CACNA1E: variants seen among roughly 807,000 people sequenced by gnomAD.
CACNA1E encodes the protein voltage-dependent R-type calcium channel subunit alpha-1E.
CACNA1E carries 40 observed loss-of-function variants against 259.2 expected under a neutral mutation model. That is an observed-to-expected ratio of 0.15 (90% CI 0.12 to 0.20). The LOEUF (loss-of-function observed/expected upper bound fraction) is 0.20. Among genes scored for constraint, CACNA1E ranks in the 10% least tolerant of loss-of-function variants. The pLI, the probability that CACNA1E is intolerant of heterozygous loss-of-function variation, is 1.00. For synonymous variants in CACNA1E, 1,104 were observed against 1,138.5 expected, an observed-to-expected ratio of 0.97 and a Z score of 0.61; for missense variants, 1,874 against 3,040.1, an observed-to-expected ratio of 0.62 and a Z score of 9.02.
chr1:181,743,322 T>C (rs1359197486), intron 25 of CACNA1E, among the ~76,000 whole-genome samples: 1 of 152,218 alleles, frequency 6.6e-6, no homozygotes, highest in Non-Finnish European at 1.5e-5. Context: ...TGAAGAGGGA[T>C]TCTTTTGTGT....
At chr1:181,378,793 A>C (rs1655269734) in intron 1 of CACNA1E, among the ~76,000 whole-genome samples, 1 of 152,210 alleles carries the variant, frequency 6.6e-6, no homozygotes, top group Non-Finnish European at 1.5e-5. Context: ...GTGGGGAAAA[A>C]CTATGTCTAG....
chr1:181,476,483 G>T (rs1173869134), intron 2 of CACNA1E, among the ~76,000 whole-genome samples: 1 of 152,190 alleles, frequency 6.6e-6, no homozygotes, highest in Non-Finnish European at 1.5e-5. Flanking sequence ...AGGCTTGACT[G>T]CAGCTGTGAG....
At chr1:181,597,387 T>C (rs183731233) in intron 6 of CACNA1E, among the ~76,000 whole-genome samples, 1 of 152,372 alleles carries the variant, frequency 6.6e-6, no homozygotes, top group Non-Finnish European at 1.5e-5. Flanking sequence ...AAGCCTCTTC[T>C]ATCCATGTAT....
intron 2 of CACNA1E, among the ~76,000 whole-genome samples, chr1:181,440,840 C>T (rs983570535): frequency 1.3e-5 from 2 of 151,814 alleles, no homozygotes; most frequent in African/African-American, 4.8e-5. Context: ...AAAAAATTAG[C>T]TGGGTGTGGT....
chr1:181,754,782 G>C (rs1405734079), intron 27 of CACNA1E, among the ~76,000 whole-genome samples: 4 of 152,208 alleles, frequency 2.6e-5, no homozygotes, highest in Non-Finnish European at 5.9e-5. Context: ...TTTTAGAAAG[G>C]TAAGGAGAAA....
chr1:181,626,174 A>G (rs946893985), intron 6 of CACNA1E, among the ~76,000 whole-genome samples: 2 of 152,232 alleles, frequency 1.3e-5, no homozygotes, highest in African/African-American at 4.8e-5. Context: ...ATAATAATGA[A>G]AAATTTTGAA....
At position 181,485,223 on chromosome 1, in the gene CACNA1E, G is replaced by A. The variant is rs1224486419; in HGVS notation, c.266+1213G>A. ...ATTCTCCCTCTTTCCCACCCCCACC[G>A]TCCAGGTGTGCAGCAGTGAGGCAGC... On this transcript the variant is annotated intron_variant, in intron 1 of 47. Transcript: ENST00000367573. This position sits in a 1 kb window ranked among gnomAD's most constrained non-coding sequence, Gnocchi z 4.2. Among the ~76,000 whole-genome samples the A allele has an allele frequency of 6.6e-6, 1 of 152,094 alleles. No homozygotes were observed. Among genetic ancestry groups the A allele is most frequent in the Non-Finnish European group, 1.5e-5 (1 of 68,014 alleles).
At chr1:181,740,334 A>T (rs1388312110) in intron 25 of CACNA1E, among the ~76,000 whole-genome samples, 1 of 152,172 alleles carries the variant, frequency 6.6e-6, no homozygotes, top group Non-Finnish European at 1.5e-5. Flanking sequence ...TTGCCCTTCC[A>T]AGTGTTTAGA....
intron 24 of CACNA1E, 59 bp from the exon 25 acceptor site, chr1:181,739,088 C>G (rs1432676737): frequency 1.0e-6 from 1 of 984,136 alleles, no homozygotes; most frequent in African/African-American, 1.6e-5. Context: ...GAACAGAGCT[C>G]AGGTCAAGTG....
Position 181,776,248 on chromosome 1 carries a change from G to C in CACNA1E, c.5267+20G>C. ...AGCATGGTGCGTAGGCCCCTCGGCC[G>C]CCCCAGCGGGGCCCAGAGCAAAGGT... On this transcript the variant is annotated intron_variant, in intron 38 of 47. Coordinates refer to ENST00000367573, the MANE Select transcript of CACNA1E (RefSeq NM_001205293.3). The surrounding 1 kb of genome is among the most constrained non-coding windows in gnomAD (Gnocchi z 4.4). 1 of 1,613,278 alleles carries C rather than the reference G, an allele frequency of 6.2e-7. No individual in the cohort carries two copies. Among genetic ancestry groups the C allele is most frequent in the African/African-American group, 1.3e-5 (1 of 75,030 alleles).
intron 1 of CACNA1E, among the ~76,000 whole-genome samples, chr1:181,487,023 ATTT>A (rs113857890): frequency 0.11 from 15,567 of 145,274 alleles, 969 homozygotes; most frequent in Non-Finnish European, 0.14. Context: ...TAAGTGCCAG[ATTT>A]TTTTTTTTTT....
At chr1:181,464,120 C>T (rs1027935086) in intron 2 of CACNA1E, among the ~76,000 whole-genome samples, 1 of 152,022 alleles carries the variant, frequency 6.6e-6, no homozygotes, top group Admixed American at 6.5e-5. Flanking sequence ...ATTTGTATAT[C>T]CCTCTCACCC....
At chr1:181,785,256 G>C in intron 41 of CACNA1E, 62 bp from the exon 42 acceptor site, 1 of 947,940 alleles carries the variant, frequency 1.1e-6, no homozygotes, top group Non-Finnish European at 1.7e-6. Context: ...AAGCTTAGAG[G>C]TTCCTCACTC....
intron 6 of CACNA1E, among the ~76,000 whole-genome samples, chr1:181,595,905 G>A (rs767155021): frequency 5.3e-5 from 8 of 152,198 alleles, no homozygotes; most frequent in Non-Finnish European, 1.0e-4. Context: ...AATTGCCAGT[G>A]TTTAGTCTGT....
At chr1:181,560,979 G>A (rs1649264738) in intron 3 of CACNA1E, among the ~76,000 whole-genome samples, 1 of 152,182 alleles carries the variant, frequency 6.6e-6, no homozygotes, top group Admixed American at 6.6e-5. Context: ...AGTGAAATAA[G>A]CCAGGCACAA....
chr1:181,464,565 C>T (rs547485227), intron 2 of CACNA1E, among the ~76,000 whole-genome samples: 1 of 147,544 alleles, frequency 6.8e-6, no homozygotes, highest in South Asian at 2.1e-4. Flanking sequence ...TTCATGTCCA[C>T]CATCTTTGTA....
At position 181,796,765 on chromosome 1, in the gene CACNA1E, A is replaced by G. The variant is rs370133784; in HGVS notation, c.6306A>G (p.Ser2102=). The part of the protein sequence containing the change: ...LLSPDVSRCN[S]EERGTQADWE... Reference sequence around the variant, plus strand: ...CTCCTGATGTCTCCCGCTGCAATTCAGAAGAGCGAGGGACCCAGGCTGACT... The same window carrying G: ...CTCCTGATGTCTCCCGCTGCAATTCGGAAGAGCGAGGGACCCAGGCTGACT... The change falls in exon 47 of 48, where the codon TCA becomes TCG. Residue 2102 remains serine, a synonymous_variant. Coordinates refer to ENST00000367573, the MANE Select transcript of CACNA1E (RefSeq NM_001205293.3). 4 of 1,613,058 alleles carry G rather than the reference A, an allele frequency of 2.5e-6. No individual in the cohort carries two copies. Among genetic ancestry groups the G allele is most frequent in the Non-Finnish European group, 2.5e-6 (3 of 1,179,584 alleles).
At chr1:181,421,237 A>T (rs1349988640) in intron 2 of CACNA1E, among the ~76,000 whole-genome samples, 1 of 152,180 alleles carries the variant, frequency 6.6e-6, no homozygotes, top group Non-Finnish European at 1.5e-5. Context: ...TTGCAATGCT[A>T]CTTGTAAATT....
chr1:181,504,114 C>T (rs1414963802), intron 1 of CACNA1E, among the ~76,000 whole-genome samples: 1 of 152,112 alleles, frequency 6.6e-6, no homozygotes, highest in African/African-American at 2.4e-5. Context: ...TGAAGGTGTC[C>T]ATGCCATCCT....
Sources: allele counts gnomAD v4.1 joint callset (sites outside exome capture counted in the v4.1 genomes callset), GRCh38; gene constraint gnomAD v4.1.1; non-coding constraint Gnocchi (gnomAD v3.1); transcripts MANE v1.5; gene names NCBI Gene and HGNC (gene_info 2026-07-23, HGNC 2026-07-21).